The following PHF3 variants were observed in gnomAD, a reference collection of about 807,000 sequenced individuals.
PHF3 encodes the protein PHD finger protein 3.
In PHF3, 41 loss-of-function variants were observed where a neutral mutation model predicts 178.4. The ratio of observed to expected loss-of-function variants is 0.23; its 90% CI spans 0.18 to 0.30. The LOEUF (loss-of-function observed/expected upper bound fraction) is 0.30. Ranked by LOEUF, PHF3 falls within the 10% of genes least tolerant of loss-of-function variation. The probability of loss-of-function intolerance (pLI) is 1.00; values close to 1 mark genes in which losing one functional copy is unlikely to be tolerated. For missense variants in PHF3, 2,346 were observed against 2,398.1 expected (o/e 0.98, Z 0.45); for synonymous variants, 842 against 800.5 (o/e 1.05, Z -0.88).
At chr6:63,674,224 A>T (rs1349352549) in intron 2 of PHF3, among the ~76,000 whole-genome samples, 2 of 147,508 alleles carry the variant, frequency 1.4e-5, no homozygotes, top group Non-Finnish European at 3.0e-5. Context: ...AGCCCTTTGC[A>T]CTGTAAATAT....
chr6:63,713,835 C>G lies in PHF3; in HGVS notation c.*127C>G. On this transcript the variant is annotated 3_prime_UTR_variant, in exon 16 of 16. Transcript: ENST00000262043. ...TTTTTACTATTGGTCATTTGCAGAA[C>G]AGTAAATTCTGTGTGTTGGTACAGA... 1 of 748,602 alleles carries G rather than the reference C, an allele frequency of 1.3e-6. No homozygotes were observed. Among genetic ancestry groups the G allele is most frequent in the Non-Finnish European group, 2.1e-6 (1 of 470,242 alleles). 46.4% of individuals were successfully genotyped at this position (748,602 alleles called of 1,614,324 possible).
chr6:63,642,301 A>G (rs145526693), intron 1 of PHF3, among the ~76,000 whole-genome samples: 1,815 of 152,306 alleles, frequency 0.012, 31 homozygotes, highest in African/African-American at 0.042. Context: ...GTTAGCTTCC[A>G]GAGTTTCACC....
At chr6:63,667,556 C>G (rs1473734662) in intron 2 of PHF3, among the ~76,000 whole-genome samples, 5 of 152,170 alleles carry the variant, frequency 3.3e-5, no homozygotes, top group African/African-American at 1.2e-4. Flanking sequence ...CATAACTACA[C>G]CTAAGAAACA....
intron 14 of PHF3, among the ~76,000 whole-genome samples, chr6:63,710,538 A>G (rs1377212928): frequency 6.6e-6 from 1 of 152,226 alleles, no homozygotes; most frequent in Non-Finnish European, 1.5e-5. Flanking sequence ...TACCAAATTA[A>G]TAACAAATTA....
chr6:63,716,463 G>A lies in PHF3; in HGVS notation c.*2755G>A, dbSNP rs1768193250. On this transcript the variant is annotated 3_prime_UTR_variant, in exon 16 of 16. Coordinates refer to ENST00000262043, the MANE Select transcript of PHF3 (RefSeq NM_001370348.2). ...CAAAAACCTGTAAGTTCTTTTGTAC[G>A]GATTTGCAAAATTTATATTAATCAC... Among the ~76,000 whole-genome samples the A allele has an allele frequency of 6.6e-6, 1 of 152,160 alleles. No individual in the cohort carries two copies. Among genetic ancestry groups the A allele is most frequent in the Non-Finnish European group, 1.5e-5 (1 of 67,968 alleles).
chr6:63,666,689 C>G (rs952461604), intron 2 of PHF3, among the ~76,000 whole-genome samples: 1 of 150,586 alleles, frequency 6.6e-6, no homozygotes, highest in African/African-American at 2.4e-5. Flanking sequence ...GTGAAGTATT[C>G]TTTAGGGAAT....
At chr6:63,644,175 T>C (rs937194487) in intron 1 of PHF3, among the ~76,000 whole-genome samples, 1 of 152,188 alleles carries the variant, frequency 6.6e-6, no homozygotes, top group Admixed American at 6.5e-5. Context: ...GCCATTTGTT[T>C]CTAGGGCTGA....
At position 63,716,783 on chromosome 6, in the gene PHF3, T is replaced by C. The variant is rs1768203781; in HGVS notation, c.*3075T>C. 6.6e-6 allele frequency among the ~76,000 whole-genome samples: 1 copy of C among 152,032 alleles called. No homozygotes were observed. Among genetic ancestry groups the C allele is most frequent in the South Asian group, 2.1e-4 (1 of 4,824 alleles). On this transcript the variant is annotated 3_prime_UTR_variant, in exon 16 of 16. Coordinates refer to ENST00000262043, the MANE Select transcript of PHF3 (RefSeq NM_001370348.2). ...AGCAGTGTGGGACCCAGTCTTTCTC[T>C]AGTATCTCTGACCTTCCCTTCTGAT...
At chr6:63,650,411 T>A (rs1179531379) in intron 2 of PHF3, among the ~76,000 whole-genome samples, 1 of 152,218 alleles carries the variant, frequency 6.6e-6, no homozygotes, top group Non-Finnish European at 1.5e-5. Flanking sequence ...TGATTCATAT[T>A]GTGTAATTGA....
chr6:63,641,626 G>A (rs559344146), intron 1 of PHF3, among the ~76,000 whole-genome samples: 2 of 151,484 alleles, frequency 1.3e-5, no homozygotes, highest in South Asian at 4.2e-4. Flanking sequence ...TTTAAAGTGA[G>A]TTTTTGTAAA....
chr6:63,694,671 G>A lies in PHF3; in HGVS notation c.2587G>A (p.Val863Ile). 6.2e-7 allele frequency: 1 copy of A among 1,601,918 alleles called. No homozygotes were observed. The highest frequency in any genetic ancestry group is 8.5e-7 in the Non-Finnish European group (1 of 1,173,390). Residue 863 changes from valine (V) to isoleucine (I), a missense_variant, in exon 6 of 16, where the codon GTT (valine) becomes ATT (isoleucine). Around this residue, in one of 8 missense-constraint regions of PHF3, gnomAD observed 252 missense variants for 232.0 expected, o/e 1.09. Coordinates refer to ENST00000262043, the MANE Select transcript of PHF3 (RefSeq NM_001370348.2). ...TCCTCTTCGTAAGATGGGACAACCAGTTTTACCTCGGAGATCCTCAGAAGA... is the reference window on the plus strand; with the variant it reads ...TCCTCTTCGTAAGATGGGACAACCAATTTTACCTCGGAGATCCTCAGAAGA... ...LAPLRKMGQP[V>I]LPRRSSEEKS... is the part of the protein sequence containing the mutation.
At chr6:63,667,619 C>G (rs1322177055) in intron 2 of PHF3, among the ~76,000 whole-genome samples, 3 of 152,272 alleles carry the variant, frequency 2.0e-5, no homozygotes, top group East Asian at 1.9e-4. Context: ...TCATTTGTCC[C>G]CAAGCTATTA....
At chr6:63,666,079 A>C (rs2149562079) in intron 2 of PHF3, among the ~76,000 whole-genome samples, 1 of 152,302 alleles carries the variant, frequency 6.6e-6, no homozygotes, top group African/African-American at 2.4e-5. Context: ...TGTCATGTCT[A>C]CCGCTTTAGT....
Position 63,680,095 on chromosome 6 carries a change from T to C in PHF3, c.340T>C (p.Leu114=). 2.5e-6 allele frequency: 4 copies of C among 1,612,914 alleles called. No individual in the cohort carries two copies. The highest frequency in any genetic ancestry group is 3.4e-6 in the Non-Finnish European group (4 of 1,179,328). The part of the protein sequence containing the change: ...EEELILPNRN[L]RDKVEENSVR... ...AGAACTGATTTTACCTAACAGGAAC[T>C]TAAGGGACAAGGTAGAAGAAAATTC... The change falls in exon 3 of 16, where the codon TTA becomes CTA. Residue 114 remains leucine (L), a synonymous_variant. Transcript: ENST00000262043.
intron 4 of PHF3, among the ~76,000 whole-genome samples, chr6:63,689,423 CAAG>C (rs1766896668): frequency 6.6e-6 from 1 of 152,052 alleles, no homozygotes; most frequent in South Asian, 2.1e-4. Context: ...AGCTTTCAAA[CAAG>C]AAAACTTCTG....
Position 63,712,902 on chromosome 6 carries a change from C to A in PHF3, c.5314C>A (p.Pro1772Thr). Residue 1772 changes from proline to threonine, a missense_variant, in exon 16 of 16, where the codon CCA becomes ACA. This residue lies in a region of PHF3 where 839 missense variants were observed against 806.9 expected (regional missense o/e 1.04). Coordinates refer to ENST00000262043, the MANE Select transcript of PHF3 (RefSeq NM_001370348.2). ...TSHFEVGNTC[P>T]SEFPSKSITF... ...TCATTTTGAAGTTGGAAACACATGTCCATCAGAATTTCCTTCTAAAAGCAT... is the reference window on the plus strand; with the variant it reads ...TCATTTTGAAGTTGGAAACACATGTACATCAGAATTTCCTTCTAAAAGCAT... 6.2e-7 allele frequency: 1 copy of A among 1,614,032 alleles called. No homozygotes were observed.
chr6:63,684,543 T>C lies in PHF3; in HGVS notation c.821T>C (p.Met274Thr). The C allele has an allele frequency of 8.1e-6, 13 of 1,613,648 alleles. No homozygotes were observed. The highest frequency in any genetic ancestry group is 1.1e-5 in the Non-Finnish European group (13 of 1,179,858). ...GGAGAAAAGAAAAATGAAGCTTTGA[T>C]GGAATGTAAAGCCAAGCCTGTTGGT... ...TIGEKKNEAL[M>T]ECKAKPVGSP... Residue 274 changes from methionine (M) to threonine (T), a missense_variant, in exon 4 of 16, where the codon ATG (methionine) becomes ACG (threonine). Transcript: ENST00000262043.
At chr6:63,650,539 T>G (rs180716305) in intron 2 of PHF3, among the ~76,000 whole-genome samples, 51 of 152,362 alleles carry the variant, frequency 3.3e-4, no homozygotes, top group Admixed American at 3.3e-3. Context: ...TTACTTGCAC[T>G]GCTTTCAAGC....
At position 63,715,457 on chromosome 6, in the gene PHF3, G is replaced by T. The variant is rs970470261; in HGVS notation, c.*1749G>T. The T allele has an allele frequency of 4.6e-5, 7 of 152,044 alleles. No homozygotes were observed. Among genetic ancestry groups the T allele is most frequent in the Non-Finnish European group, 8.8e-5 (6 of 67,996 alleles). The allele number at this position is 152,044 out of a possible 1,614,324, so 9.4% of individuals were successfully genotyped here. A position where few individuals can be genotyped will look rare whatever the true frequency, so the allele number is the denominator to read the frequency against. ...CATTTCAATTTCAAATGTGTATATC[G>T]TCAATAAATCTACCTTTACTGATAT... On this transcript the variant is annotated 3_prime_UTR_variant, in exon 16 of 16. Coordinates refer to ENST00000262043, the MANE Select transcript of PHF3 (RefSeq NM_001370348.2).
Sources: gnomAD v4.1 joint callset for allele counts (sites outside exome capture counted in the v4.1 genomes callset) on GRCh38, gnomAD v4.1.1 for gene constraint, gnomAD v4.1.1 regional missense constraint, MANE v1.5 for transcripts, NCBI Gene and HGNC (gene_info 2026-07-23, HGNC 2026-07-21) for gene names.